The following ZNF519 variants were observed in gnomAD, a reference collection of about 807,000 sequenced individuals.
ZNF519 encodes similar to Zinc finger protein 85 (Zinc finger protein HPF4) (HTF1).
ZNF519 carries 7 observed loss-of-function variants against 7.4 expected under a neutral mutation model. The observed-to-expected ratio is 0.94, with a 90% CI of 0.54 to 1.77. The LOEUF (loss-of-function observed/expected upper bound fraction) is 1.77, where lower values mean the gene tolerates loss of function less well. Among genes scored for constraint, ZNF519 ranks in the 40% most tolerant of loss-of-function variants. The pLI is 0.00. For missense variants in ZNF519, 586 were observed against 623.1 expected (o/e 0.94, Z 0.63); for synonymous variants, 179 against 203.3 (o/e 0.88, Z 1.02).
Position 14,105,213 on chromosome 18 carries a change from T to C in ZNF519, c.1327A>G (p.Arg443Gly), listed in dbSNP as rs747026212. The change falls in exon 3 of 3, where the codon AGG becomes GGG. Residue 443 changes from arginine to glycine, a missense_variant. By Grantham distance (125) the Arg-to-Gly change is moderately radical. Coordinates refer to ENST00000590202, the MANE Select transcript of ZNF519 (RefSeq NM_145287.4). ...KCKECGKAFN[R>G]GSHLTRHQRI... ...TGATGTCGAGTAAGGTGTGAGCCCCTGTTAAAGGCTTTGCCACATTCTTTA... is the reference window on the plus strand; with the variant it reads ...TGATGTCGAGTAAGGTGTGAGCCCCCGTTAAAGGCTTTGCCACATTCTTTA... 7 of 1,571,350 alleles carry C rather than the reference T, an allele frequency of 4.5e-6. No homozygotes were observed. The South Asian group carries it at 7.8e-5, about 17-fold the overall frequency.
intron 3 of ZNF519, chr18:14,084,221 T>A (rs1457705407): frequency 1.3e-5 from 2 of 152,266 alleles, no homozygotes; most frequent in Non-Finnish European, 2.9e-5. Context: ...GTTCTGACTC[T>A]TCTTTCTTCT....
rs2143117243 is a variant in ZNF519 at position 14,101,850 on chromosome 18, T to C, written c.*3067A>G. 5.0e-6 allele frequency: 2 copies of C among 397,824 alleles called. No homozygotes were observed. Among genetic ancestry groups the C allele is most frequent in the South Asian group, 1.3e-4 (1 of 7,476 alleles). The allele number at this position is 397,824 out of a possible 1,614,324, so 24.6% of individuals were successfully genotyped here. ...CTGACCTGGCCTCTTCTGTCGAGTC[T>C]TTCCATTCCCCAAATCAGGCACAGA... On this transcript the variant is annotated 3_prime_UTR_variant, in exon 3 of 3. Coordinates refer to ENST00000590202, the MANE Select transcript of ZNF519 (RefSeq NM_145287.4).
At chr18:14,093,709 T>C (rs1240992387) in intron 2 of ZNF519, among the ~76,000 whole-genome samples, 1 of 152,070 alleles carries the variant, frequency 6.6e-6, no homozygotes, top group Non-Finnish European at 1.5e-5. Flanking sequence ...ATACAGAAAA[T>C]TAAAGTGAGG....
chr18:14,108,410 A>G (rs1448864720), intron 2 of ZNF519, among the ~76,000 whole-genome samples: 1 of 152,166 alleles, frequency 6.6e-6, no homozygotes, highest in African/African-American at 2.4e-5. Flanking sequence ...TGAACCAGTC[A>G]GCATGCATTC....
chr18:14,125,750 T>C lies in ZNF519; in HGVS notation c.4-1274A>G, dbSNP rs547841010. ...CCCAGGCTGGAGTGCAATGGTGCGA[T>C]CTTGGCTCACTGCAACCTCCGCCTC... is the stretch of plus-strand genomic sequence containing the variant. On this transcript the variant is annotated intron_variant, in intron 1 of 2. Transcript: ENST00000590202. 6.6e-5 allele frequency among the ~76,000 whole-genome samples: 10 copies of C among 152,138 alleles called. No individual in the cohort carries two copies. In the East Asian group the frequency reaches 1.4e-3, roughly 21 times the overall value.
intron 2 of ZNF519, among the ~76,000 whole-genome samples, chr18:14,091,203 T>A (rs886544681): frequency 1.6e-4 from 24 of 152,192 alleles, no homozygotes; most frequent in Non-Finnish European, 3.5e-4. Flanking sequence ...AAATTTTTTT[T>A]ATAAAAAATT....
At position 14,112,758 on chromosome 18, in the gene ZNF519, T is replaced by C. The variant is rs181832641; in HGVS notation, c.131-6349A>G. Among the ~76,000 whole-genome samples the C allele has an allele frequency of 2.8e-3, 433 of 152,230 alleles. 13 individuals are homozygous for C. Among genetic ancestry groups the C allele is most frequent in the Admixed American group, 0.026 (398 of 15,290 alleles). On this transcript the variant is annotated intron_variant, in intron 2 of 2. Coordinates refer to ENST00000590202, the MANE Select transcript of ZNF519 (RefSeq NM_145287.4). ...TCTGTACAATGAACACTATAAAACA[T>C]TGATGCAAGAAATTTAAAAAGACAA...
chr18:14,110,570 G>A (rs565652072), intron 2 of ZNF519, among the ~76,000 whole-genome samples: 56 of 152,008 alleles, frequency 3.7e-4, no homozygotes, highest in African/African-American at 1.1e-3. Flanking sequence ...TACGAACACC[G>A]AACAATAATC....
At chr18:14,091,080 G>GT (rs2046112679) in intron 2 of ZNF519, 1 of 152,054 alleles carries the variant, frequency 6.6e-6, no homozygotes, top group African/African-American at 2.4e-5. Context: ...TTTGGACTTA[G>GT]TATGTATTCA....
intron 2 of ZNF519, among the ~76,000 whole-genome samples, chr18:14,086,643 T>G (rs1598508566): frequency 6.6e-6 from 1 of 152,160 alleles, no homozygotes; most frequent in African/African-American, 2.4e-5. Context: ...ACAGAACCCC[T>G]GGAGCTGTTC....
At chr18:14,094,381 G>A (rs1391715555) in intron 2 of ZNF519, among the ~76,000 whole-genome samples, 7 of 152,088 alleles carry the variant, frequency 4.6e-5, no homozygotes, top group African/African-American at 1.2e-4. Flanking sequence ...TTATAAAACC[G>A]GCTTTTTCCT....
chr18:14,072,575 A>T (rs1487209794), downstream of ZNF519: 1 of 150,720 alleles, frequency 6.6e-6, no homozygotes, highest in Non-Finnish European at 1.5e-5. Flanking sequence ...CCCCTTTCAG[A>T]TGGTCAACAG....
At chr18:14,078,992 C>T (rs1467549426) in intron 3 of ZNF519, among the ~76,000 whole-genome samples, 1 of 152,152 alleles carries the variant, frequency 6.6e-6, no homozygotes, top group Non-Finnish European at 1.5e-5. Flanking sequence ...AGCAGAAGCA[C>T]CAGTATCCTT....
chr18:14,106,465 T>C, intron 2 of ZNF519, 56 bp from the exon 3 acceptor site: 1 of 1,426,124 alleles, frequency 7.0e-7, no homozygotes, highest in Non-Finnish European at 9.3e-7. Flanking sequence ...TTGAATATAC[T>C]TTACAAATCT....
At chr18:14,083,578 T>C (rs1314205380) in intron 3 of ZNF519, among the ~76,000 whole-genome samples, 2 of 152,136 alleles carry the variant, frequency 1.3e-5, no homozygotes, top group Non-Finnish European at 2.9e-5. Flanking sequence ...TTCTCGATGA[T>C]ATCAATTTTT....
chr18:14,114,128 A>T (rs1022222054), intron 2 of ZNF519, among the ~76,000 whole-genome samples: 6 of 152,048 alleles, frequency 3.9e-5, no homozygotes, highest in African/African-American at 1.4e-4. Flanking sequence ...GCTGTTTAAA[A>T]GTTCTTTAAC....
In ZNF519 at chr18:14,101,327, T is replaced by A. The variant is rs1264300808; in HGVS notation, c.*3590A>T. 5.7e-6 allele frequency: 1 copy of A among 174,722 alleles called. No homozygotes were observed. Among genetic ancestry groups the A allele is most frequent in the Non-Finnish European group, 1.2e-5 (1 of 83,168 alleles). 10.8% of individuals were successfully genotyped at this position (174,722 alleles called of 1,614,324 possible). ...GTCTCATCCAGATTTAGGGCTGATT[T>A]ATTTCCGCACTCAGAGGGATAAAGG... On this transcript the variant is annotated 3_prime_UTR_variant, in exon 3 of 3. Coordinates refer to ENST00000590202, the MANE Select transcript of ZNF519 (RefSeq NM_145287.4).
intron 3 of ZNF519, chr18:14,084,389 A>G (rs2046081780): frequency 6.6e-6 from 1 of 152,208 alleles, no homozygotes; most frequent in Admixed American, 6.6e-5. Context: ...AGGTGGTCCT[A>G]CGCTGTCCAC....
At chr18:14,073,225 T>C (rs2046034398), downstream of ZNF519, 1 of 151,560 alleles carries the variant, frequency 6.6e-6, no homozygotes, top group Admixed American at 6.6e-5. Context: ...AAAGTTTGCA[T>C]GGAAATTTTT....
Sources: allele counts gnomAD v4.1 joint callset (sites outside exome capture counted in the v4.1 genomes callset), GRCh38; gene constraint gnomAD v4.1.1; transcripts MANE v1.5; gene names NCBI Gene and HGNC (gene_info 2026-07-23, HGNC 2026-07-21).